NELL1: variants seen among roughly 807,000 people sequenced by gnomAD.
The protein encoded by NELL1 is protein kinase C-binding protein NELL1.
A neutral mutation model predicts 107.4 loss-of-function variants in NELL1; 76 were observed. The ratio of observed to expected loss-of-function variants is 0.71; its 90% confidence interval spans 0.59 to 0.86. The LOEUF (loss-of-function observed/expected upper bound fraction) is 0.86, where lower values mean the gene tolerates loss of function less well. Among genes scored for constraint, NELL1 ranks in the 40% least tolerant of loss-of-function variants. The pLI is 0.00. For synonymous variants in NELL1, 353 were observed against 341.2 expected (o/e 1.03, Z -0.38); for missense variants, 1,024 against 1,005.5 (o/e 1.02, Z -0.25).
At chr11:20,755,274 A>G (rs1856235089) in intron 2 of NELL1, among the ~76,000 whole-genome samples, 2 of 152,268 alleles carry the variant, frequency 1.3e-5, no homozygotes, top group South Asian at 4.1e-4. Flanking sequence ...GCCAATCACC[A>G]GCATCCTGGA....
chr11:21,333,202 A>C (rs1320450395), intron 14 of NELL1, among the ~76,000 whole-genome samples: 1 of 152,064 alleles, frequency 6.6e-6, no homozygotes, highest in Non-Finnish European at 1.5e-5. Flanking sequence ...TAGGATGTAA[A>C]GACTAAAGGG....
At chr11:20,982,513 G>A (rs1851769877) in intron 12 of NELL1, among the ~76,000 whole-genome samples, 1 of 152,162 alleles carries the variant, frequency 6.6e-6, no homozygotes, top group African/African-American at 2.4e-5. Context: ...AGGTTCCTTA[G>A]TTGCCTCACC....
chr11:21,220,353 A>G (rs1857723729), intron 13 of NELL1, among the ~76,000 whole-genome samples: 1 of 151,998 alleles, frequency 6.6e-6, no homozygotes, highest in Non-Finnish European at 1.5e-5. Flanking sequence ...GGGATCTTTT[A>G]TGGTTCCTCA....
At chr11:20,816,297 C>T (rs889233933) in intron 3 of NELL1, among the ~76,000 whole-genome samples, 2 of 152,014 alleles carry the variant, frequency 1.3e-5, no homozygotes, top group African/African-American at 2.4e-5. Context: ...AATGTTTTTC[C>T]GTTTGTTTGT....
At chr11:21,314,190 T>G (rs1849821319) in intron 14 of NELL1, among the ~76,000 whole-genome samples, 1 of 152,054 alleles carries the variant, frequency 6.6e-6, no homozygotes, top group South Asian at 2.1e-4. Flanking sequence ...GTCAGGTATT[T>G]CTTTACAGCA....
chr11:21,408,718 T>C (rs1852293588), intron 15 of NELL1, among the ~76,000 whole-genome samples: 1 of 152,050 alleles, frequency 6.6e-6, no homozygotes, highest in East Asian at 1.9e-4. Context: ...TTGCTTTTGG[T>C]GTTTTAGACA....
At chr11:21,515,331 T>A (rs137955243) in intron 15 of NELL1, among the ~76,000 whole-genome samples, 213 of 152,154 alleles carry the variant, frequency 1.4e-3, no homozygotes, top group African/African-American at 5.0e-3. Context: ...AAAAAAGACA[T>A]AGGAAAAGTA....
At chr11:20,821,811 T>G (rs1474679686) in intron 3 of NELL1, among the ~76,000 whole-genome samples, 1 of 152,232 alleles carries the variant, frequency 6.6e-6, no homozygotes, top group African/African-American at 2.4e-5. Flanking sequence ...TTGCTTAATC[T>G]GAGTACCAGG....
At chr11:21,342,848 C>T (rs1041185689) in intron 14 of NELL1, among the ~76,000 whole-genome samples, 1 of 152,060 alleles carries the variant, frequency 6.6e-6, no homozygotes, top group Non-Finnish European at 1.5e-5. Flanking sequence ...ATCCACTGAA[C>T]ATTCCTTACA....
chr11:20,904,226 A>G (rs1260376377), intron 5 of NELL1, among the ~76,000 whole-genome samples: 2 of 152,026 alleles, frequency 1.3e-5, no homozygotes, highest in Non-Finnish European at 2.9e-5. Context: ...TAAAAAAAAA[A>G]AGAAAAAAGT....
At chr11:21,573,032 G>A (rs1857139384) in intron 18 of NELL1, among the ~76,000 whole-genome samples, 153 bp from the exon 19 acceptor site, 1 of 151,882 alleles carries the variant, frequency 6.6e-6, no homozygotes, top group Non-Finnish European at 1.5e-5. Flanking sequence ...CCTGTAGTAG[G>A]TCTTCAAGGA....
chr11:21,183,311 T>A (rs986474426), intron 13 of NELL1, among the ~76,000 whole-genome samples: 2 of 151,908 alleles, frequency 1.3e-5, no homozygotes, highest in Non-Finnish European at 2.9e-5. Context: ...ACATAGGAGG[T>A]GCATAATAAA....
At chr11:21,499,961 G>A (rs1235634264) in intron 15 of NELL1, among the ~76,000 whole-genome samples, 1 of 152,034 alleles carries the variant, frequency 6.6e-6, no homozygotes, top group Non-Finnish European at 1.5e-5. Flanking sequence ...CTGTGAAGTT[G>A]CCATAGCCAG....
intron 12 of NELL1, among the ~76,000 whole-genome samples, chr11:21,080,534 A>C (rs536302674): frequency 6.6e-6 from 1 of 152,176 alleles, no homozygotes; most frequent in East Asian, 1.9e-4. Flanking sequence ...TTCTATGCCT[A>C]TATTGTATTC....
intron 14 of NELL1, among the ~76,000 whole-genome samples, chr11:21,277,966 T>A (rs1269113901): frequency 6.6e-6 from 1 of 152,008 alleles, no homozygotes; most frequent in Non-Finnish European, 1.5e-5. Flanking sequence ...AGTTGCTGGG[T>A]GCAGCACACC....
chr11:21,132,252 G>A (rs1176399454), intron 13 of NELL1, among the ~76,000 whole-genome samples: 1 of 152,054 alleles, frequency 6.6e-6, no homozygotes, highest in Non-Finnish European at 1.5e-5. Flanking sequence ...CACACACAGG[G>A]CAATGGGGAG....
intron 15 of NELL1, among the ~76,000 whole-genome samples, chr11:21,417,252 A>G (rs186066602): frequency 1.9e-4 from 29 of 151,976 alleles, no homozygotes; most frequent in African/African-American, 7.0e-4. Context: ...TATAATAATA[A>G]TTATTGTCAT....
chr11:21,113,789 T>C (rs1855163195), intron 13 of NELL1, 75 bp downstream of exon 13: 2 of 1,470,710 alleles, frequency 1.4e-6, no homozygotes, highest in Admixed American at 4.1e-5. Flanking sequence ...TATGTTTAAT[T>C]CCTAGTGCAC....
At chr11:20,788,439 T>C (rs1243845656) in intron 3 of NELL1, among the ~76,000 whole-genome samples, 1 of 152,248 alleles carries the variant, frequency 6.6e-6, no homozygotes, top group Admixed American at 6.5e-5. Flanking sequence ...TGAGTTGCAT[T>C]TGCTTGATGG....
Sources: gnomAD v4.1 joint callset for allele counts (sites outside exome capture counted in the v4.1 genomes callset) on GRCh38, gnomAD v4.1.1 for gene constraint, MANE v1.5 for transcripts, NCBI Gene and HGNC (gene_info 2026-07-23, HGNC 2026-07-21) for gene names.